MCPH1: variants seen among roughly 807,000 people sequenced by gnomAD.
MCPH1 encodes the protein microcephalin 1, also known as microcephalin.
Under a neutral mutation model 84.5 loss-of-function variants are expected in MCPH1, and 104 were observed. The ratio of observed to expected loss-of-function variants is 1.23; its 90% CI spans 1.05 to 1.45. The LOEUF is 1.45. Ranked by LOEUF, MCPH1 falls within the 40% of genes most tolerant of loss-of-function variation. MCPH1 has a pLI of 0.00. For missense variants in MCPH1, 1,498 were observed against 1,005.7 expected (o/e 1.49, Z -6.62); for synonymous variants, 514 against 366.8 (o/e 1.40, Z -4.58).
Position 6,626,981 on chromosome 8 carries a change from T to C in MCPH1, c.2452+5290T>C, listed in dbSNP as rs534336388. On this transcript the variant is annotated intron_variant, in intron 13 of 13. Coordinates refer to ENST00000344683, the MANE Select transcript of MCPH1 (RefSeq NM_024596.5). Reference sequence around the variant, plus strand: ...CATAATGTAATATTCTCAACAGCATTGCCAAAAAAAAAAAAAAGTTTAGCC... The same window carrying C: ...CATAATGTAATATTCTCAACAGCATCGCCAAAAAAAAAAAAAAGTTTAGCC... The C allele has an allele frequency of 6.6e-4, 644 of 973,026 alleles. 3 individuals are homozygous for C. In the African/African-American group the frequency reaches 0.011, roughly 17 times the overall value. The allele number at this position is 973,026 out of a possible 1,614,324, so 60.3% of individuals were successfully genotyped here. A position where few individuals can be genotyped will look rare whatever the true frequency, so the allele number is the denominator to read the frequency against.
intron 12 of MCPH1, among the ~76,000 whole-genome samples, chr8:6,518,960 G>T (rs1019691814): frequency 6.6e-6 from 1 of 151,916 alleles, no homozygotes; most frequent in Admixed American, 6.6e-5. Context: ...AGCACCTTCA[G>T]GAGTCAGGCT....
At chr8:6,529,728 G>C (rs111971286) in intron 12 of MCPH1, among the ~76,000 whole-genome samples, 2,971 of 149,954 alleles carry the variant, frequency 0.02, 102 homozygotes, top group African/African-American at 0.069. Flanking sequence ...GCCTCTCAAA[G>C]TGCTAGGATT....
chr8:6,419,059 C>T lies in MCPH1; in HGVS notation c.233+4176C>T, dbSNP rs561847571. On this transcript the variant is annotated intron_variant, in intron 3 of 13. Transcript: ENST00000344683. ...TCTTCTGGGACTCCAATTATGTTTA[C>T]GTTGGGCCTGCTTAGCTATCTTTTA... Among the ~76,000 whole-genome samples, 300 of 151,694 alleles carry T rather than the reference C, an allele frequency of 2.0e-3. 1 individual carries two copies. Among genetic ancestry groups the T allele is most frequent in the African/African-American group, 6.7e-3 (277 of 41,300 alleles).
chr8:6,457,979 G>A (rs1003405021), intron 9 of MCPH1, among the ~76,000 whole-genome samples: 2 of 152,132 alleles, frequency 1.3e-5, no homozygotes, highest in African/African-American at 4.8e-5. Flanking sequence ...TCATTAATAT[G>A]GGGTGCACCC....
intron 13 of MCPH1, among the ~76,000 whole-genome samples, chr8:6,622,670 C>T (rs187705337): frequency 1.3e-5 from 2 of 152,278 alleles, no homozygotes; most frequent in African/African-American, 2.4e-5. Flanking sequence ...GTTGGTTTCC[C>T]CTGAGGCCTC....
chr8:6,491,326 T>C (rs1810548252), intron 11 of MCPH1, among the ~76,000 whole-genome samples: 1 of 150,994 alleles, frequency 6.6e-6, no homozygotes, highest in Admixed American at 6.6e-5. Context: ...TTATGGAGAA[T>C]ACACCTACCA....
At chr8:6,487,957 C>G (rs990390639) in intron 11 of MCPH1, among the ~76,000 whole-genome samples, 2 of 152,332 alleles carry the variant, frequency 1.3e-5, no homozygotes, top group South Asian at 4.1e-4. Flanking sequence ...ACATCTCTGT[C>G]AAGGCATTGT....
At chr8:6,512,816 A>T (rs952104627) in intron 12 of MCPH1, among the ~76,000 whole-genome samples, 12 of 152,234 alleles carry the variant, frequency 7.9e-5, no homozygotes, top group African/African-American at 2.7e-4. Flanking sequence ...GGGTGAGGAC[A>T]AGGTAAACAC....
chr8:6,489,123 C>G (rs1810279113), intron 11 of MCPH1, among the ~76,000 whole-genome samples: 4 of 152,052 alleles, frequency 2.6e-5, no homozygotes, highest in South Asian at 2.1e-4. Context: ...CATATTAGGT[C>G]TGAGATTCCT....
In MCPH1 at chr8:6,464,426, A is replaced by C. The variant is rs191997431; in HGVS notation, c.1935+9174A>C. Among the ~76,000 whole-genome samples the C allele has an allele frequency of 1.8e-3, 267 of 152,366 alleles. 1 individual carries two copies. Among genetic ancestry groups the C allele is most frequent in the African/African-American group, 6.3e-3 (263 of 41,580 alleles). On this transcript the variant is annotated intron_variant, in intron 9 of 13. Transcript: ENST00000344683. ...TGTATGAGAGAAAATATTTCTACAG[A>C]AAACATTAAATAGGATCTTCAAAGA... is the stretch of plus-strand genomic sequence containing the variant.
intron 12 of MCPH1, among the ~76,000 whole-genome samples, chr8:6,571,927 T>C (rs903529655): frequency 1.3e-5 from 2 of 152,192 alleles, no homozygotes; most frequent in Non-Finnish European, 2.9e-5. Flanking sequence ...TCATGAATCT[T>C]AGTTGTCTGA....
At chr8:6,492,190 C>G (rs1773890149) in intron 11 of MCPH1, among the ~76,000 whole-genome samples, 1 of 152,188 alleles carries the variant, frequency 6.6e-6, no homozygotes, top group Non-Finnish European at 1.5e-5. Context: ...GTGATGGTAT[C>G]TCATTGTGGT....
At chr8:6,571,486 C>G (rs1826657988) in intron 12 of MCPH1, among the ~76,000 whole-genome samples, 1 of 152,146 alleles carries the variant, frequency 6.6e-6, no homozygotes, top group Non-Finnish European at 1.5e-5. Context: ...TTGTCATAAC[C>G]ATCCTAATAA....
intron 13 of MCPH1, among the ~76,000 whole-genome samples, chr8:6,638,777 GA>G (rs1462754284): frequency 1.3e-5 from 2 of 152,112 alleles, no homozygotes; most frequent in Non-Finnish European, 2.9e-5. Flanking sequence ...GCTATGTTCA[GA>G]TGCCAAATAA....
intron 12 of MCPH1, chr8:6,621,073 G>C: frequency 3.0e-6 from 1 of 328,112 alleles, no homozygotes; most frequent in South Asian, 2.7e-5. Context: ...GGCATTTGCA[G>C]TGCATTAGAA....
intron 9 of MCPH1, among the ~76,000 whole-genome samples, chr8:6,467,341 A>G (rs1033546062): frequency 1.3e-5 from 2 of 151,958 alleles, no homozygotes; most frequent in Admixed American, 1.3e-4. Flanking sequence ...GTGTTGTTTT[A>G]TTTTTCTGCA....
At chr8:6,525,421 G>C (rs1818157557) in intron 12 of MCPH1, among the ~76,000 whole-genome samples, 1 of 152,100 alleles carries the variant, frequency 6.6e-6, no homozygotes, top group African/African-American at 2.4e-5. Flanking sequence ...GTAAAAATGA[G>C]TTCTCATTAT....
intron 12 of MCPH1, among the ~76,000 whole-genome samples, chr8:6,505,295 A>ATTCTT (rs1491494016): frequency 1.4e-5 from 1 of 73,740 alleles, no homozygotes; most frequent in African/African-American, 7.5e-5. Context: ...TGTTATATAC[A>ATTCTT]TATATATGTA....
intron 8 of MCPH1, among the ~76,000 whole-genome samples, chr8:6,447,793 C>T (rs933833834): frequency 5.3e-5 from 8 of 152,212 alleles, no homozygotes; most frequent in Non-Finnish European, 7.3e-5. Flanking sequence ...TCATGATCTA[C>T]CCTCCTCGGC....
Sources: allele counts gnomAD v4.1 joint callset (sites outside exome capture counted in the v4.1 genomes callset), GRCh38; gene constraint gnomAD v4.1.1; transcripts MANE v1.5; gene names NCBI Gene and HGNC (gene_info 2026-07-23, HGNC 2026-07-21).